NETO1: variants seen among roughly 807,000 people sequenced by gnomAD.
The protein encoded by NETO1 is neuropilin and tolloid like 1.
A neutral mutation model predicts 61.3 loss-of-function variants in NETO1; 26 were observed. That is an observed-to-expected ratio of 0.42 (90% CI 0.31 to 0.59). The LOEUF is 0.59. Ranked by LOEUF, NETO1 falls within the 20% of genes least tolerant of loss-of-function variation. The probability of loss-of-function intolerance (pLI) is 0.12; values close to 1 mark genes in which losing one functional copy is unlikely to be tolerated. For synonymous variants in NETO1, 225 were observed against 225.8 expected (o/e 1.00, Z 0.03); for missense variants, 531 against 662.8 (o/e 0.80, Z 2.18).
intron 4 of NETO1, among the ~76,000 whole-genome samples, chr18:72,852,123 A>T (rs2145582676): frequency 6.6e-6 from 1 of 152,354 alleles, no homozygotes; most frequent in African/African-American, 2.4e-5. Context: ...TAGCCGATAA[A>T]TAAATATAAA....
intron 4 of NETO1, among the ~76,000 whole-genome samples, chr18:72,850,787 A>C (rs1216788814): frequency 6.6e-6 from 1 of 152,140 alleles, no homozygotes; most frequent in Admixed American, 6.5e-5. Flanking sequence ...ATTTATCTTT[A>C]GGGAAATTTA....
intron 3 of NETO1, among the ~76,000 whole-genome samples, chr18:72,860,136 A>G (rs569901245): frequency 6.6e-6 from 1 of 152,292 alleles, no homozygotes; most frequent in East Asian, 1.9e-4. Context: ...TTCAGCCAGG[A>G]TACTCCAGAA....
chr18:72,827,090 C>CTT (rs75038247), intron 4 of NETO1, among the ~76,000 whole-genome samples: 5,702 of 142,636 alleles, frequency 0.04, 191 homozygotes, highest in African/African-American at 0.071. Context: ...TCAATGCTTT[C>CTT]TTTTTTTTTT....
At chr18:72,772,761 A>ATATC (rs772829216) in intron 7 of NETO1, among the ~76,000 whole-genome samples, 4 of 25,888 alleles carry the variant, frequency 1.5e-4, no homozygotes, top group African/African-American at 4.5e-4. Flanking sequence ...ATATATATCT[A>ATATC]TATATATATA....
intron 4 of NETO1, among the ~76,000 whole-genome samples, chr18:72,808,701 CT>C (rs2072764374): frequency 1.3e-5 from 2 of 152,218 alleles, no homozygotes; most frequent in African/African-American, 4.8e-5. Context: ...GCTAACGGAG[CT>C]TCAAGACAAG....
chr18:72,768,965 G>T (rs2071254606), intron 7 of NETO1, among the ~76,000 whole-genome samples: 1 of 152,206 alleles, frequency 6.6e-6, no homozygotes, highest in African/African-American at 2.4e-5. Flanking sequence ...CCAAGTAGCA[G>T]ATTTCTCAGG....
At chr18:72,828,657 A>C (rs535394188) in intron 4 of NETO1, among the ~76,000 whole-genome samples, 1 of 152,312 alleles carries the variant, frequency 6.6e-6, no homozygotes, top group African/African-American at 2.4e-5. Flanking sequence ...AAAAGAAATA[A>C]ACAAAAGGAA....
intron 4 of NETO1, among the ~76,000 whole-genome samples, chr18:72,798,417 A>C (rs1017086282): frequency 5.9e-5 from 9 of 152,172 alleles, no homozygotes; most frequent in African/African-American, 2.2e-4. Context: ...CAGAGACCAT[A>C]ATAAAGCAAT....
chr18:72,791,389 G>C (rs1347164620), intron 6 of NETO1, among the ~76,000 whole-genome samples: 1 of 152,138 alleles, frequency 6.6e-6, no homozygotes, highest in Non-Finnish European at 1.5e-5. Flanking sequence ...AAGCTGCTAG[G>C]AACTCTATAA....
intron 1 of NETO1, chr18:72,865,598 C>T: frequency 6.2e-7 from 1 of 1,606,528 alleles, no homozygotes; most frequent in Non-Finnish European, 8.5e-7. Context: ...CTGCCAGCAT[C>T]TCTGAATGAA....
At chr18:72,863,066 A>T (rs776358218) in intron 3 of NETO1, among the ~76,000 whole-genome samples, 1 of 152,160 alleles carries the variant, frequency 6.6e-6, no homozygotes, top group Non-Finnish European at 1.5e-5. Flanking sequence ...TCATCATCAA[A>T]ATCTCACATT....
At chr18:72,835,134 T>C (rs547239173) in intron 4 of NETO1, 4 of 1,232,106 alleles carry the variant, frequency 3.2e-6, no homozygotes, top group South Asian at 3.2e-5. Flanking sequence ...GCAAACTTTC[T>C]CCAGAAAGAT....
At position 72,858,920 on chromosome 18, in the gene NETO1, G is replaced by A. The variant is rs375271006; in HGVS notation, c.375C>T (p.Val125=). Residue 125 remains valine, a synonymous_variant, in exon 4 of 11, where the codon GTC becomes GTT. Coordinates refer to ENST00000327305, the MANE Select transcript of NETO1 (RefSeq NM_138966.5). ...ATAGAAATCTTCCACTGGATTTTAT[G>A]ACAGGTGGATTTTGTTGTCCACAGA... is the stretch of plus-strand genomic sequence containing the variant. ...GRFCGQQNPP[V]IKSSGRFLWI... 3.2e-5 allele frequency: 52 copies of A among 1,613,704 alleles called. No individual in the cohort carries two copies. The highest frequency in any genetic ancestry group is 4.0e-5 in the African/African-American group (3 of 74,868).
At chr18:72,792,244 C>A (rs1288954595) in intron 6 of NETO1, among the ~76,000 whole-genome samples, 1 of 152,032 alleles carries the variant, frequency 6.6e-6, no homozygotes, top group Non-Finnish European at 1.5e-5. Context: ...CCAGCCTGGC[C>A]AACGTGGAGA....
At chr18:72,842,567 CAAAG>C (rs563357125) in intron 4 of NETO1, among the ~76,000 whole-genome samples, 24 of 152,170 alleles carry the variant, frequency 1.6e-4, no homozygotes, top group African/African-American at 5.8e-4. Context: ...GAGCATAAAG[CAAAG>C]ATAAATTCTA....
Position 72,867,479 on chromosome 18 carries a change from A to T in NETO1, c.-188T>A, listed in dbSNP as rs1285436161. On this transcript the variant is annotated 5_prime_UTR_variant, in exon 1 of 11. Transcript: ENST00000327305. ...GAGCCCACGCTGCAGCCAGATCCGG[A>T]TGAGTCCGTCCTCCGCCCCGGGCGG... The T allele has an allele frequency of 9.9e-6, 4 of 405,918 alleles. No homozygotes were observed. Among genetic ancestry groups the T allele is most frequent in the Middle Eastern group, 5.8e-4 (1 of 1,720 alleles). The allele number at this position is 405,918 out of a possible 1,614,324, so 25.1% of individuals were successfully genotyped here. A position where few individuals can be genotyped will look rare whatever the true frequency, so the allele number is the denominator to read the frequency against.
chr18:72,864,965 G>C lies in NETO1; in HGVS notation c.83-20C>G. The C allele has an allele frequency of 6.7e-7, 1 of 1,499,834 alleles. No homozygotes were observed. Among genetic ancestry groups the C allele is most frequent in the South Asian group, 1.3e-5 (1 of 79,538 alleles). 92.9% of individuals were successfully genotyped at this position (1,499,834 alleles called of 1,614,324 possible). A position where few individuals can be genotyped will look rare whatever the true frequency, so the allele number is the denominator to read the frequency against. On this transcript the variant is annotated intron_variant, in intron 2 of 10. Coordinates refer to ENST00000327305, the MANE Select transcript of NETO1 (RefSeq NM_138966.5). ...GCTTTTCTGTTAAAAAAAAAAAAAA[G>C]TTTTAAAAAGAGCCATCATCCAATT...
intron 7 of NETO1, among the ~76,000 whole-genome samples, chr18:72,760,459 A>G (rs1003739578): frequency 2.6e-5 from 4 of 152,330 alleles, no homozygotes; most frequent in Middle Eastern, 3.4e-3. Context: ...CAGAGAGCCC[A>G]GCTGTGATTT....
intron 7 of NETO1, among the ~76,000 whole-genome samples, chr18:72,779,953 C>T (rs2071682228): frequency 6.6e-6 from 1 of 152,120 alleles, no homozygotes; most frequent in African/African-American, 2.4e-5. Flanking sequence ...GTGTTCTCAC[C>T]TGGTGGAAAG....
Sources: allele counts gnomAD v4.1 joint callset (sites outside exome capture counted in the v4.1 genomes callset), GRCh38; gene constraint gnomAD v4.1.1; transcripts MANE v1.5; gene names NCBI Gene and HGNC (gene_info 2026-07-23, HGNC 2026-07-21).